The following RTEL1 variants were observed in gnomAD, a reference collection of about 807,000 sequenced individuals.
RTEL1 encodes the protein regulator of telomere length.
RTEL1 carries 86 observed loss-of-function variants against 162.2 expected under a neutral mutation model. That is an observed-to-expected ratio of 0.53 (90% CI 0.45 to 0.63). The LOEUF is 0.63. Among genes scored for constraint, RTEL1 ranks in the 30% least tolerant of loss-of-function variants. The pLI, the probability that RTEL1 is intolerant of heterozygous loss-of-function variation, is 0.00. For synonymous variants in RTEL1, 958 were observed against 717.9 expected (o/e 1.33, Z -5.35); for missense variants, 1,941 against 1,750.2 (o/e 1.11, Z -1.95).
rs775766136 is a variant in RTEL1 at position 63,660,459 on chromosome 20, CAT to C, written c.103-836_103-835del. Among the ~76,000 whole-genome samples, 4 of 152,236 alleles carry C rather than the reference CAT, an allele frequency of 2.6e-5. No homozygotes were observed. The East Asian group carries it at 7.7e-4, about 29-fold the overall frequency. ...TTTTACCAAGCATACTGCCTGTAAA[CAT>C]ATTGTTAACAAGGCACGTTCTGCAC... On this transcript the variant is annotated intron_variant, in intron 2 of 34. Coordinates refer to ENST00000360203, the MANE Select transcript of RTEL1 (RefSeq NM_001283009.2).
intron 8 of RTEL1, among the ~76,000 whole-genome samples, chr20:63,671,761 G>T (rs1041864159): frequency 6.6e-6 from 1 of 151,588 alleles, no homozygotes; most frequent in Non-Finnish European, 1.5e-5. Context: ...AAAGTGCTGG[G>T]CTTGCAGGCG....
At chr20:63,693,861 A>C (rs1479990538) in intron 30 of RTEL1, among the ~76,000 whole-genome samples, 1 of 148,528 alleles carries the variant, frequency 6.7e-6, no homozygotes, top group Admixed American at 6.7e-5. Context: ...GCCCTGTCCA[A>C]CTGCCACACG....
At chr20:63,667,395 A>G (rs536512572) in intron 7 of RTEL1, 74 bp from the exon 8 acceptor site, 51 of 1,200,688 alleles carry the variant, frequency 4.2e-5, no homozygotes, top group Middle Eastern at 1.9e-4. Flanking sequence ...CTTCCGGGTC[A>G]GAAGACATGG....
chr20:63,695,850 C>G lies in RTEL1; in HGVS notation c.3895C>G (p.Pro1299Ala). The stretch of plus-strand genomic sequence containing the variant: ...CGTCATGCAGGTCTTCTGGCCAGAG[C>G]CCCAGTGAGTGCCCACGGAGGCCCC... The part of the protein sequence containing the change: ...QSVMQVFWPE[P>A]Q The change falls in exon 35 of 35, where the codon CCC becomes GCC. Residue 1299 changes from proline to alanine, a missense_variant. Pro to Ala is a conservative substitution (Grantham distance 27, BLOSUM62 -1). Transcript: ENST00000360203. 6.3e-7 allele frequency: 1 copy of G among 1,589,756 alleles called. No homozygotes were observed. The highest frequency in any genetic ancestry group is 8.5e-7 in the Non-Finnish European group (1 of 1,169,712).
chr20:63,676,928 C>G (rs374770946), intron 10 of RTEL1, among the ~76,000 whole-genome samples: 94 of 152,276 alleles, frequency 6.2e-4, no homozygotes, highest in African/African-American at 2.2e-3. Flanking sequence ...AGCGAGACTC[C>G]GTCTCAAAAA....
At chr20:63,688,822 T>G (rs2090656202) in intron 21 of RTEL1, 1 of 632,234 alleles carries the variant, frequency 1.6e-6, no homozygotes, top group African/African-American at 1.9e-5. Context: ...CCCTCCTGTC[T>G]GAGTAGCCCT....
rs773832819 is a variant in RTEL1, at chr20:63,662,478, C to T, written c.396-68C>T. ...CTCCTGCGTGTCTCCATACAGCTCA[C>T]GCTGCAGGGCCACGCTGTGGGTGTT... On this transcript the variant is annotated intron_variant, in intron 4 of 34. Coordinates refer to ENST00000360203, the MANE Select transcript of RTEL1 (RefSeq NM_001283009.2). 50 of 1,598,342 alleles carry T rather than the reference C, an allele frequency of 3.1e-5. No individual in the cohort carries two copies. The highest frequency in any genetic ancestry group is 1.3e-4 in the African/African-American group (10 of 74,846).
At chr20:63,658,640 C>G (rs1327260013) in intron 1 of RTEL1, 174 bp downstream of exon 1, 2 of 152,320 alleles carry the variant, frequency 1.3e-5, no homozygotes, top group South Asian at 4.1e-4. Context: ...GTGGCGCTGG[C>G]GCCGCGGCGT....
rs1182639582 is a variant in RTEL1 at position 63,667,130 on chromosome 20, CGCCCG to C, written c.615-334_615-330del. Among the ~76,000 whole-genome samples the C allele has an allele frequency of 2.0e-5, 3 of 152,180 alleles. No individual in the cohort carries two copies. The East Asian group carries it at 5.8e-4, about 29-fold the overall frequency. ...CTGGGATTACAGGAGTGAGCCACCG[CGCCCG>C]GCCCAGCTCTGCTTTTTCTTAGTGG... On this transcript the variant is annotated intron_variant, in intron 7 of 34. Coordinates refer to ENST00000360203, the MANE Select transcript of RTEL1 (RefSeq NM_001283009.2).
intron 7 of RTEL1, 135 bp downstream of exon 7, chr20:63,666,214 G>A (rs576861477): frequency 9.5e-6 from 7 of 736,070 alleles, no homozygotes; most frequent in African/African-American, 3.6e-5. Context: ...CATTCAGTAC[G>A]AAAAAGTTTA....
intron 30 of RTEL1, 171 bp from the exon 31 acceptor site, chr20:63,694,201 G>A (rs949420673): frequency 9.5e-6 from 6 of 629,164 alleles, no homozygotes; most frequent in East Asian, 2.6e-5. Flanking sequence ...CCATCCAGCA[G>A]GCTGGTGTCT....
rs2090020727 is a variant in RTEL1 at position 63,661,535 on chromosome 20, G to A, written c.301+39G>A. On this transcript the variant is annotated intron_variant, in intron 3 of 34. Coordinates refer to ENST00000360203, the MANE Select transcript of RTEL1 (RefSeq NM_001283009.2). The surrounding 1 kb of genome is among the most constrained non-coding windows in gnomAD (Gnocchi z 5.1). ...CCAGGCCTCTCCTGGCCTCCTGTGG[G>A]GATGGTTGGCAAGGGATGGCGCTGA... 1 of 1,584,476 alleles carries A rather than the reference G, an allele frequency of 6.3e-7. No individual in the cohort carries two copies. The highest frequency in any genetic ancestry group is 8.6e-7 in the Non-Finnish European group (1 of 1,168,274).
Position 63,661,933 on chromosome 20 carries a change from A to G in RTEL1, c.385A>G (p.Thr129Ala). 1 of 1,613,062 alleles carries G rather than the reference A, an allele frequency of 6.2e-7. No homozygotes were observed. The highest frequency in any genetic ancestry group is 8.5e-7 in the Non-Finnish European group (1 of 1,179,672). The change falls in exon 4 of 35, where the codon ACC (threonine) becomes GCC (alanine). Residue 129 changes from threonine (T) to alanine (A), a missense_variant. Physicochemically the swap from Thr to Ala is moderately conservative, Grantham distance 58. Coordinates refer to ENST00000360203, the MANE Select transcript of RTEL1 (RefSeq NM_001283009.2). This position sits in a 1 kb window ranked among gnomAD's most constrained non-coding sequence, Gnocchi z 5.1. ...ACAGGTCATCAACGAGCTTCGGAAC[A>G]CCTCCTACCGGTGGGTCAGACGAGT... The part of the protein sequence containing the change: ...LTQVINELRN[T>A]SYRPKVCVLG...
rs201130278 is a variant in RTEL1 at position 63,689,519 on chromosome 20, C to T, written c.1896C>T (p.Asp632=). ...VCRGKASEGL[D]FSDTNGRGVI... ...TCCCCTAGGCCAGCGAGGGGCTGGA[C>T]TTCTCAGACACGAATGGCCGTGGTG... is the stretch of plus-strand genomic sequence containing the variant. Residue 632 remains aspartate (D), a synonymous_variant, in exon 23 of 35, where the codon GAC becomes GAT. Transcript: ENST00000360203. 25 of 1,606,710 alleles carry T rather than the reference C, an allele frequency of 1.6e-5. No individual in the cohort carries two copies. In the East Asian group the frequency reaches 5.1e-4, roughly 33 times the overall value.
intron 8 of RTEL1, among the ~76,000 whole-genome samples, chr20:63,669,483 G>A (rs910269467): frequency 3.3e-5 from 5 of 152,186 alleles, no homozygotes; most frequent in African/African-American, 9.7e-5. Flanking sequence ...AAATGAAAAA[G>A]CAGTTAAAGA....
chr20:63,691,856 C>T lies in RTEL1; in HGVS notation c.2652+19C>T, dbSNP rs756672791. 2 of 1,598,536 alleles carry T rather than the reference C, an allele frequency of 1.3e-6. No homozygotes were observed. Among genetic ancestry groups the T allele is most frequent in the African/African-American group, 1.3e-5 (1 of 74,868 alleles). The stretch of plus-strand genomic sequence containing the variant: ...CCACCCGGTGCGTGAGCTGTCCCTG[C>T]ACCTGTGCCGACCACCATAGACACG... On this transcript the variant is annotated intron_variant, in intron 28 of 34. Transcript: ENST00000360203.
intron 8 of RTEL1, 55 bp downstream of exon 8, chr20:63,667,608 C>G: frequency 7.0e-7 from 1 of 1,422,880 alleles, no homozygotes; most frequent in Non-Finnish European, 9.9e-7. Flanking sequence ...TGTCCCTGGG[C>G]TTGGGAACAG....
intron 16 of RTEL1, chr20:63,686,734 C>G (rs1039430737): frequency 8.5e-5 from 13 of 153,034 alleles, no homozygotes; most frequent in Non-Finnish European, 1.9e-4. Flanking sequence ...GGTGATGGTC[C>G]TGCAGCAAGG....
rs770525140 is a variant in RTEL1 at position 63,695,049 on chromosome 20, AT to A, written c.3344-15del. On this transcript the variant is annotated splice_polypyrimidine_tract_variant and intron_variant, in intron 32 of 34. Transcript: ENST00000360203. The stretch of plus-strand genomic sequence containing the variant: ...CAAAATGGGGGCTGTGCCGGGTCTG[AT>A]TGAAGCTCCCCGCAGGGTTCAGCAT... 6.2e-7 allele frequency: 1 copy of A among 1,610,946 alleles called. No homozygotes were observed. Among genetic ancestry groups the A allele is most frequent in the East Asian group, 2.2e-5 (1 of 44,786 alleles).
Sources: gnomAD v4.1 joint callset for allele counts (sites outside exome capture counted in the v4.1 genomes callset) on GRCh38, gnomAD v4.1.1 for gene constraint, Gnocchi (gnomAD v3.1) non-coding constraint, MANE v1.5 for transcripts, NCBI Gene and HGNC (gene_info 2026-07-23, HGNC 2026-07-21) for gene names.